The following DBT variants were observed in gnomAD, a reference collection of about 807,000 sequenced individuals.
The protein encoded by DBT is dihydrolipoamide branched chain transacylase E2.
In DBT, 40 loss-of-function variants were observed where a neutral mutation model predicts 51.3. That is an observed-to-expected ratio of 0.78 (90% CI 0.61 to 1.02). DBT has a LOEUF of 1.02. DBT is among the 50% of genes least tolerant of loss of function. The probability of loss-of-function intolerance (pLI) is 0.00; values close to 1 mark genes in which losing one functional copy is unlikely to be tolerated. For missense variants in DBT, 510 were observed against 580.2 expected, an observed-to-expected ratio of 0.88 and a Z score of 1.24; for synonymous variants, 181 against 190.4, an observed-to-expected ratio of 0.95 and a Z score of 0.41.
intron 4 of DBT, among the ~76,000 whole-genome samples, chr1:100,227,384 C>A (rs1232396590): frequency 6.6e-6 from 1 of 152,118 alleles, no homozygotes; most frequent in East Asian, 1.9e-4. Context: ...CCAGTAAGAA[C>A]TGTATTTCAT....
chr1:100,188,120 A>G lies in DBT; in HGVS notation c.*8135T>C, dbSNP rs1660653717. The G allele has an allele frequency of 6.6e-6, 1 of 152,248 alleles. No homozygotes were observed. 9.4% of individuals were successfully genotyped at this position (152,248 alleles called of 1,614,324 possible). A position where few individuals can be genotyped will look rare whatever the true frequency, so the allele number is the denominator to read the frequency against. On this transcript the variant is annotated 3_prime_UTR_variant, in exon 11 of 11. Coordinates refer to ENST00000370132, the MANE Select transcript of DBT (RefSeq NM_001918.5). ...TTATGCCAGCAACACAATGGGATCG[A>G]GGCCAGGTTCTTGTGCAATTTGTGA...
At chr1:100,232,189 A>G (rs1663586347) in intron 3 of DBT, among the ~76,000 whole-genome samples, 1 of 152,226 alleles carries the variant, frequency 6.6e-6, no homozygotes, top group Non-Finnish European at 1.5e-5. Flanking sequence ...AGGCTAAACT[A>G]TGATGTTTGA....
Position 100,188,649 on chromosome 1 carries a change from T to C in DBT, c.*7606A>G, listed in dbSNP as rs927631296. On this transcript the variant is annotated 3_prime_UTR_variant, in exon 11 of 11. Coordinates refer to ENST00000370132, the MANE Select transcript of DBT (RefSeq NM_001918.5). ...CCCCATATCAAACCTAAATTATTGA[T>C]CTTCCACCTGTTCTCATTTCTTCTG... The C allele has an allele frequency of 1.3e-5, 2 of 152,354 alleles. No individual in the cohort carries two copies. The highest frequency in any genetic ancestry group is 4.8e-5 in the African/African-American group (2 of 41,578). The allele number at this position is 152,354 out of a possible 1,614,324, so 9.4% of individuals were successfully genotyped here. A position where few individuals can be genotyped will look rare whatever the true frequency, so the allele number is the denominator to read the frequency against.
chr1:100,230,052 C>A (rs941273221), intron 4 of DBT, among the ~76,000 whole-genome samples: 1 of 151,076 alleles, frequency 6.6e-6, no homozygotes, highest in Non-Finnish European at 1.5e-5. Flanking sequence ...TTTTTTGTAT[C>A]AGTGGCAAAC....
rs1660634654 is a variant in DBT at position 100,187,808 on chromosome 1, C to A, written c.*8447G>T. ...CAAAAATTGGTTTTTCATATTTCTA[C>A]AAATATTTTATGGAATGTTTAATAT... On this transcript the variant is annotated 3_prime_UTR_variant, in exon 11 of 11. Coordinates refer to ENST00000370132, the MANE Select transcript of DBT (RefSeq NM_001918.5). The A allele has an allele frequency of 6.6e-6, 1 of 151,206 alleles. No individual in the cohort carries two copies. Among genetic ancestry groups the A allele is most frequent in the Non-Finnish European group, 1.5e-5 (1 of 67,954 alleles). The allele number at this position is 151,206 out of a possible 1,614,324, so 9.4% of individuals were successfully genotyped here.
At chr1:100,249,281 C>T (rs1664765677) in intron 1 of DBT, 1 of 237,208 alleles carries the variant, frequency 4.2e-6, no homozygotes, top group African/African-American at 2.2e-5. Context: ...AAGTACAAGG[C>T]AAAAGAGTGA....
intron 3 of DBT, among the ~76,000 whole-genome samples, chr1:100,231,651 T>C (rs1008016487): frequency 6.6e-6 from 1 of 152,170 alleles, no homozygotes; most frequent in African/African-American, 2.4e-5. Context: ...ACCCATGACA[T>C]AGAAACCAGC....
At chr1:100,224,070 A>T (rs1570827454) in intron 4 of DBT, among the ~76,000 whole-genome samples, 1 of 152,334 alleles carries the variant, frequency 6.6e-6, no homozygotes, top group East Asian at 1.9e-4. Context: ...CTACTATGTT[A>T]CAAAAGACAG....
At chr1:100,218,487 A>T in intron 5 of DBT, 139 bp downstream of exon 5, 2 of 925,094 alleles carry the variant, frequency 2.2e-6, no homozygotes, top group South Asian at 1.4e-5. Flanking sequence ...TTATGCAACT[A>T]TTGCTTTTCA....
At chr1:100,197,173 A>G (rs1661164990) in intron 10 of DBT, 1 of 152,390 alleles carries the variant, frequency 6.6e-6, no homozygotes, top group South Asian at 2.1e-4. Flanking sequence ...TCAAACTGCT[A>G]TAAAAGTTTC....
intron 7 of DBT, chr1:100,213,554 G>T (rs1662292281): frequency 6.3e-7 from 1 of 1,575,162 alleles, no homozygotes; most frequent in Admixed American, 1.7e-5. Flanking sequence ...GGGGCTGCAG[G>T]ACTGCTTCAC....
intron 10 of DBT, among the ~76,000 whole-genome samples, chr1:100,198,861 A>G (rs1464392504): frequency 6.6e-6 from 1 of 152,234 alleles, no homozygotes; most frequent in African/African-American, 2.4e-5. Flanking sequence ...GAGGGTTCCA[A>G]CACGCAAGGA....
In DBT at chr1:100,196,068, C is replaced by T; in HGVS notation, c.*187G>A. On this transcript the variant is annotated 3_prime_UTR_variant, in exon 11 of 11. Transcript: ENST00000370132. ...ATAAAATGTGACAGCCCCAGGAGAA[C>T]CATTACACCATTATTCATTTTCAGT... 2 of 639,082 alleles carry T rather than the reference C, an allele frequency of 3.1e-6. No homozygotes were observed. The highest frequency in any genetic ancestry group is 2.8e-6 in the Non-Finnish European group (1 of 362,790). The allele number at this position is 639,082 out of a possible 1,614,324, so 39.6% of individuals were successfully genotyped here.
At chr1:100,233,971 A>G (rs1391865151) in intron 3 of DBT, among the ~76,000 whole-genome samples, 1 of 152,258 alleles carries the variant, frequency 6.6e-6, no homozygotes, top group Non-Finnish European at 1.5e-5. Context: ...TGTAGGAGCT[A>G]AGAACATAAA....
intron 2 of DBT, 55 bp from the exon 3 acceptor site, chr1:100,235,566 A>G (rs1557958803): frequency 1.0e-5 from 9 of 900,920 alleles, no homozygotes; most frequent in South Asian, 8.8e-5. Flanking sequence ...TTACTAATAT[A>G]TACTTTCACA....
intron 5 of DBT, among the ~76,000 whole-genome samples, chr1:100,216,964 T>C (rs1417365659): frequency 6.6e-6 from 1 of 152,204 alleles, no homozygotes; most frequent in Non-Finnish European, 1.5e-5. Flanking sequence ...ATGACTAAAA[T>C]AATAAAGGAC....
intron 6 of DBT, among the ~76,000 whole-genome samples, chr1:100,215,232 G>A (rs1662411311): frequency 6.6e-6 from 1 of 152,112 alleles, no homozygotes; most frequent in African/African-American, 2.4e-5. Context: ...TAAATGCTGT[G>A]TTATATAAAA....
In DBT at chr1:100,192,039, C is replaced by T. The variant is rs1379228138; in HGVS notation, c.*4216G>A. 6.6e-6 allele frequency: 1 copy of T among 151,840 alleles called. No individual in the cohort carries two copies. The highest frequency in any genetic ancestry group is 1.5e-5 in the Non-Finnish European group (1 of 68,016). The allele number at this position is 151,840 out of a possible 1,614,324, so 9.4% of individuals were successfully genotyped here. A position where few individuals can be genotyped will look rare whatever the true frequency, so the allele number is the denominator to read the frequency against. On this transcript the variant is annotated 3_prime_UTR_variant, in exon 11 of 11. Transcript: ENST00000370132. ...GGTCTCAAACTCTGGACTCAAGAGG[C>T]CCACCCATTTAGGCCTCCCAAAGTG... is the stretch of plus-strand genomic sequence containing the variant.
At chr1:100,208,734 CAAA>C (rs76108047) in intron 8 of DBT, among the ~76,000 whole-genome samples, 1 of 106,884 alleles carries the variant, frequency 9.4e-6, no homozygotes. Flanking sequence ...CCCATTTCTA[CAAA>C]AAAAAAAAAA....
Sources: gnomAD v4.1 joint callset for allele counts (sites outside exome capture counted in the v4.1 genomes callset) on GRCh38, gnomAD v4.1.1 for gene constraint, MANE v1.5 for transcripts, NCBI Gene and HGNC (gene_info 2026-07-23, HGNC 2026-07-21) for gene names.